Variants in SLC35F4 observed in about 807,000 individuals in gnomAD.
SLC35F4 encodes the protein chromosome 14 open reading frame 36.
SLC35F4 carries 24 observed loss-of-function variants against 44.2 expected under a neutral mutation model. That is an observed-to-expected ratio of 0.54 (90% confidence interval 0.39 to 0.76). The LOEUF is 0.76. Among genes scored for constraint, SLC35F4 ranks in the 30% least tolerant of loss-of-function variants. SLC35F4 has a pLI of 0.00. For missense variants in SLC35F4, 562 were observed against 586.1 expected (o/e 0.96, Z 0.42); for synonymous variants, 238 against 223.6 (o/e 1.06, Z -0.57).
intron 1 of SLC35F4, among the ~76,000 whole-genome samples, chr14:57,779,118 T>G (rs2077559859): frequency 6.6e-6 from 1 of 151,364 alleles, no homozygotes; most frequent in African/African-American, 2.4e-5. Context: ...AAAAAAATAA[T>G]AATAATAATA....
chr14:57,795,822 G>T (rs1436077119), intron 1 of SLC35F4, among the ~76,000 whole-genome samples: 1 of 151,920 alleles, frequency 6.6e-6, no homozygotes, highest in Non-Finnish European at 1.5e-5. Context: ...TATTAGGTTT[G>T]GGGGTACATA....
chr14:57,853,995 G>C (rs923397222), intron 1 of SLC35F4, among the ~76,000 whole-genome samples: 1 of 152,116 alleles, frequency 6.6e-6, no homozygotes, highest in African/African-American at 2.4e-5. Context: ...GTCTCAAATG[G>C]CATAGAACCA....
chr14:57,922,421 T>G (rs920417275), intron 1 of SLC35F4, among the ~76,000 whole-genome samples: 1 of 152,154 alleles, frequency 6.6e-6, no homozygotes, highest in Non-Finnish European at 1.5e-5. Context: ...CTCAACACGG[T>G]ACCCCATACA....
At chr14:57,843,332 CT>C (rs1175493891) in intron 1 of SLC35F4, among the ~76,000 whole-genome samples, 1 of 152,122 alleles carries the variant, frequency 6.6e-6, no homozygotes, top group East Asian at 1.9e-4. Flanking sequence ...AGGATCCTGA[CT>C]GAATATTGTC....
chr14:57,828,990 G>C (rs1884077072), intron 1 of SLC35F4, among the ~76,000 whole-genome samples: 1 of 152,154 alleles, frequency 6.6e-6, no homozygotes, highest in African/African-American at 2.4e-5. Context: ...AAATGCCCTT[G>C]GAGTTAGATT....
At chr14:57,770,653 A>G (rs1364253038) in intron 1 of SLC35F4, among the ~76,000 whole-genome samples, 1 of 152,142 alleles carries the variant, frequency 6.6e-6, no homozygotes, top group Admixed American at 6.6e-5. Context: ...GGGTTTTTCC[A>G]GTGCAGGGGT....
chr14:57,838,998 G>T (rs999795029), intron 1 of SLC35F4, among the ~76,000 whole-genome samples: 5 of 152,124 alleles, frequency 3.3e-5, no homozygotes, highest in Admixed American at 6.6e-5. Context: ...TGCCATACCG[G>T]TACCCATATG....
In SLC35F4 at chr14:57,610,516, C is replaced by T. The variant is rs181006137; in HGVS notation, c.104-16392G>A. Among the ~76,000 whole-genome samples the T allele has an allele frequency of 9.2e-4, 140 of 152,312 alleles. 1 individual carries two copies. The highest frequency in any genetic ancestry group is 3.0e-3 in the African/African-American group (123 of 41,588). On this transcript the variant is annotated intron_variant, in intron 1 of 7. Transcript: ENST00000556826. ...TCAATTTGGGCTGTAAGACAAACTT[C>T]GGTTTTTCAACTTTAAAAACTCTAT... is the stretch of plus-strand genomic sequence containing the variant.
At chr14:57,780,587 T>C (rs2077593059) in intron 1 of SLC35F4, among the ~76,000 whole-genome samples, 1 of 152,152 alleles carries the variant, frequency 6.6e-6, no homozygotes, top group Admixed American at 6.6e-5. Context: ...GAAAGAACTG[T>C]TTTAAAATTT....
At chr14:57,686,503 C>A (rs8005717) in intron 1 of SLC35F4, among the ~76,000 whole-genome samples, 22,530 of 152,106 alleles carry the variant, frequency 0.15, 1,906 homozygotes, top group East Asian at 0.29. Flanking sequence ...TCCTCTCCTG[C>A]ACTCCTCCTG....
intron 1 of SLC35F4, among the ~76,000 whole-genome samples, chr14:57,756,634 C>T (rs1042319288): frequency 2.0e-5 from 3 of 151,740 alleles, no homozygotes; most frequent in Admixed American, 2.0e-4. Context: ...TATATCCTTA[C>T]TGACTTTTTA....
At chr14:57,719,891 C>A (rs1220174472) in intron 1 of SLC35F4, among the ~76,000 whole-genome samples, 1 of 152,054 alleles carries the variant, frequency 6.6e-6, no homozygotes, top group African/African-American at 2.4e-5. Flanking sequence ...TGCTCCAGAT[C>A]TAAGAGGAAA....
intron 1 of SLC35F4, among the ~76,000 whole-genome samples, chr14:57,817,008 G>C (rs1488754451): frequency 6.6e-6 from 1 of 152,144 alleles, no homozygotes; most frequent in Admixed American, 6.5e-5. Context: ...GAAAACACAA[G>C]CTAAGAGAGT....
In SLC35F4 at chr14:57,706,582, G is replaced by T. The variant is rs114592245; in HGVS notation, c.104-112458C>A. On this transcript the variant is annotated intron_variant, in intron 1 of 7. Coordinates refer to ENST00000556826, the MANE Select transcript of SLC35F4 (RefSeq NM_001306087.2). ...CAGATGCTATTTGAGCATATAACAG[G>T]AGTCTCAACTTACCCTGGGTAGTCA... 2.7e-3 allele frequency among the ~76,000 whole-genome samples: 410 copies of T among 152,256 alleles called. 2 individuals are homozygous for T. The highest frequency in any genetic ancestry group is 9.1e-3 in the African/African-American group (379 of 41,566).
chr14:57,865,736 G>A lies in SLC35F4; in HGVS notation c.90C>T (p.Tyr30=), dbSNP rs1373917485. 8.5e-6 allele frequency: 13 copies of A among 1,521,818 alleles called. No individual in the cohort carries two copies. The highest frequency in any genetic ancestry group is 1.1e-5 in the Non-Finnish European group (12 of 1,141,006). The allele number at this position is 1,521,818 out of a possible 1,614,324, so 94.3% of individuals were successfully genotyped here. A position where few individuals can be genotyped will look rare whatever the true frequency, so the allele number is the denominator to read the frequency against. The change falls in exon 1 of 8, where the codon TAC becomes TAT. Residue 30 remains tyrosine (Y), a synonymous_variant. Transcript: ENST00000556826. ...ITGYYGYYPG[Y]SSQKSTSRSS... ...GCGGCGTCTTACTTTTCTGGCTGGAGTAACCTGGATAATAGCCATAGTAGC... is the reference window on the plus strand; with the variant it reads ...GCGGCGTCTTACTTTTCTGGCTGGAATAACCTGGATAATAGCCATAGTAGC...
At chr14:57,636,272 G>T (rs1276708165) in intron 1 of SLC35F4, among the ~76,000 whole-genome samples, 2 of 152,122 alleles carry the variant, frequency 1.3e-5, no homozygotes, top group Non-Finnish European at 2.9e-5. Flanking sequence ...CGTTGGATTT[G>T]ATTACTAAAC....
At chr14:57,682,854 T>G (rs2074950769) in intron 1 of SLC35F4, among the ~76,000 whole-genome samples, 1 of 152,018 alleles carries the variant, frequency 6.6e-6, no homozygotes, top group South Asian at 2.1e-4. Context: ...ACTGGAAAAA[T>G]AATAATATCT....
chr14:57,601,289 A>G (rs1462653266), intron 1 of SLC35F4, among the ~76,000 whole-genome samples: 3 of 152,116 alleles, frequency 2.0e-5, no homozygotes, highest in Non-Finnish European at 4.4e-5. Context: ...TTTTACATGC[A>G]TATTAAAACA....
intron 6 of SLC35F4, among the ~76,000 whole-genome samples, chr14:57,569,425 A>G (rs1184023030): frequency 1.3e-5 from 2 of 152,124 alleles, no homozygotes; most frequent in African/African-American, 2.4e-5. Flanking sequence ...CTTTGAATGC[A>G]CCGTCTACTC....
Sources: allele counts gnomAD v4.1 joint callset (sites outside exome capture counted in the v4.1 genomes callset), GRCh38; gene constraint gnomAD v4.1.1; transcripts MANE v1.5; gene names NCBI Gene and HGNC (gene_info 2026-07-23, HGNC 2026-07-21).